The following CLOCK variants were observed in gnomAD, a reference collection of about 807,000 sequenced individuals.
CLOCK encodes circadian locomoter output cycles protein kaput.
A neutral mutation model predicts 118.4 loss-of-function variants in CLOCK; 43 were observed. The ratio of observed to expected loss-of-function variants is 0.36; its 90% confidence interval spans 0.28 to 0.47. The LOEUF (loss-of-function observed/expected upper bound fraction) is 0.47, where lower values mean the gene tolerates loss of function less well. Among genes scored for constraint, CLOCK ranks in the 20% least tolerant of loss-of-function variants. CLOCK has a pLI of 1.00. For missense variants in CLOCK, 846 were observed against 999.9 expected, an observed-to-expected ratio of 0.85 and a Z score of 2.08; for synonymous variants, 326 against 339.2, an observed-to-expected ratio of 0.96 and a Z score of 0.43.
At chr4:55,498,054 G>A (rs1418599000) in intron 2 of CLOCK, among the ~76,000 whole-genome samples, 2 of 150,674 alleles carry the variant, frequency 1.3e-5, no homozygotes, top group East Asian at 1.9e-4. Flanking sequence ...TTAGGAAATC[G>A]GATTATTAAG....
rs1156988555 is a variant in CLOCK at position 55,432,458 on chromosome 4, T to C, written c.*2957A>G. The C allele has an allele frequency of 7.0e-6, 1 of 142,914 alleles. No individual in the cohort carries two copies. Among genetic ancestry groups the C allele is most frequent in the Non-Finnish European group, 1.5e-5 (1 of 65,902 alleles). The allele number at this position is 142,914 out of a possible 1,614,324, so 8.9% of individuals were successfully genotyped here. A position where few individuals can be genotyped will look rare whatever the true frequency, so the allele number is the denominator to read the frequency against. Reference sequence around the variant, plus strand: ...ATAAGTGTTTTTAAGAAAGTGAGAATAAAGCAGAGGGAAGACTTTTTTTTT... The same window carrying C: ...ATAAGTGTTTTTAAGAAAGTGAGAACAAAGCAGAGGGAAGACTTTTTTTTT... On this transcript the variant is annotated 3_prime_UTR_variant, in exon 23 of 23. Coordinates refer to ENST00000513440, the MANE Select transcript of CLOCK (RefSeq NM_004898.4).
intron 2 of CLOCK, among the ~76,000 whole-genome samples, chr4:55,494,658 C>T (rs1727936517): frequency 6.6e-6 from 1 of 152,068 alleles, no homozygotes; most frequent in African/African-American, 2.4e-5. Flanking sequence ...CAGAAATCAC[C>T]ACTAAAGAAC....
Position 55,433,987 on chromosome 4 carries a change from C to T in CLOCK, c.*1428G>A, listed in dbSNP as rs1722689905. On this transcript the variant is annotated 3_prime_UTR_variant, in exon 23 of 23. Transcript: ENST00000513440. ...GATTTAGGAAACAATTTTAGGATCA[C>T]ATTAATAACTATGATAGTGTTAGGT... The T allele has an allele frequency of 6.6e-6, 1 of 152,476 alleles. No homozygotes were observed. The highest frequency in any genetic ancestry group is 2.1e-4 in the South Asian group (1 of 4,826). 9.4% of individuals were successfully genotyped at this position (152,476 alleles called of 1,614,324 possible).
chr4:55,538,828 A>G (rs1731069625), intron 1 of CLOCK, among the ~76,000 whole-genome samples: 1 of 152,240 alleles, frequency 6.6e-6, no homozygotes, highest in Non-Finnish European at 1.5e-5. Flanking sequence ...ATTGCCTTCA[A>G]TAAGACTGGT....
chr4:55,518,383 G>T (rs1729652658), intron 1 of CLOCK, among the ~76,000 whole-genome samples: 1 of 151,982 alleles, frequency 6.6e-6, no homozygotes, highest in South Asian at 2.1e-4. Flanking sequence ...TTTCCCACAG[G>T]GTATTAATCC....
chr4:55,486,421 T>C (rs1429256563), intron 3 of CLOCK: 1 of 152,206 alleles, frequency 6.6e-6, no homozygotes, highest in Non-Finnish European at 1.5e-5. Flanking sequence ...CTTGTGATCA[T>C]TATTCATCAT....
Position 55,479,113 on chromosome 4 carries a change from T to C in CLOCK, c.108-150A>G, listed in dbSNP as rs919874437. The stretch of plus-strand genomic sequence containing the variant: ...TCCAGGTTACCAATATACAGTTAAT[T>C]TGGGCAATAATTTTTCAGCTCAGTT... On this transcript the variant is annotated intron_variant, in intron 5 of 22. Transcript: ENST00000513440. 7 of 604,050 alleles carry C rather than the reference T, an allele frequency of 1.2e-5. 1 individual carries two copies. The highest frequency in any genetic ancestry group is 4.7e-4 in the Middle Eastern group (1 of 2,122). 37.4% of individuals were successfully genotyped at this position (604,050 alleles called of 1,614,324 possible).
chr4:55,509,377 G>A (rs1430960283), intron 2 of CLOCK, among the ~76,000 whole-genome samples: 4 of 152,136 alleles, frequency 2.6e-5, no homozygotes, highest in South Asian at 2.1e-4. Flanking sequence ...CGTGTCACAA[G>A]TTAGTCTTCG....
rs1004431157 is a variant in CLOCK at position 55,501,291 on chromosome 4, A to C, written c.-136+8621T>G. ...TTCCTTTCACTTACCAATTATTTTCAGAATAATAAATTGGTGTATATGAGG... is the reference window on the plus strand; with the variant it reads ...TTCCTTTCACTTACCAATTATTTTCCGAATAATAAATTGGTGTATATGAGG... On this transcript the variant is annotated intron_variant, in intron 2 of 22. Transcript: ENST00000513440. Among the ~76,000 whole-genome samples, 3 of 145,854 alleles carry C rather than the reference A, an allele frequency of 2.1e-5. No individual in the cohort carries two copies. In the East Asian group the frequency reaches 5.8e-4, roughly 28 times the overall value.
At chr4:55,513,073 C>T (rs545135392) in intron 1 of CLOCK, among the ~76,000 whole-genome samples, 1 of 152,054 alleles carries the variant, frequency 6.6e-6, no homozygotes, top group African/African-American at 2.4e-5. Context: ...CAGTAGTGTA[C>T]CCTAATGTCC....
intron 8 of CLOCK, among the ~76,000 whole-genome samples, chr4:55,465,147 T>C (rs773396027): frequency 2.6e-5 from 4 of 152,188 alleles, no homozygotes; most frequent in Non-Finnish European, 5.9e-5. Flanking sequence ...AAAAAACAGA[T>C]GGTTGTGTCT....
At chr4:55,535,556 C>CAAT (rs1005947864) in intron 1 of CLOCK, among the ~76,000 whole-genome samples, 12 of 151,632 alleles carry the variant, frequency 7.9e-5, no homozygotes, top group East Asian at 5.8e-4. Context: ...AAATAAATGA[C>CAAT]AATAATAATA....
chr4:55,511,202 T>C (rs1418625750), intron 1 of CLOCK, among the ~76,000 whole-genome samples: 5 of 152,106 alleles, frequency 3.3e-5, no homozygotes, highest in Admixed American at 6.6e-5. Flanking sequence ...TTACTATGTG[T>C]AAAGCCCTGT....
At chr4:55,452,799 T>G (rs1165277956) in intron 15 of CLOCK, 1 of 305,658 alleles carries the variant, frequency 3.3e-6, no homozygotes, top group African/African-American at 2.2e-5. Context: ...ATAAATAACC[T>G]AGCCAGAGAC....
rs1298857070 is a variant in CLOCK at position 55,456,002 on chromosome 4, C to A, written c.877G>T (p.Ala293Ser). The A allele has an allele frequency of 6.2e-7, 1 of 1,604,616 alleles. No homozygotes were observed. The highest frequency in any genetic ancestry group is 8.5e-7 in the Non-Finnish European group (1 of 1,172,304). ...GGCAAATACCCTATTATGGGTGGTG[C>A]CCTAAATTACACAGAAAACAATCAT... ...EWKFLFLDHRAPPIIGYLPFE... is the reference protein window; with the variant it reads ...EWKFLFLDHRSPPIIGYLPFE... The change falls in exon 13 of 23, where the codon GCA becomes TCA. Residue 293 changes from alanine to serine, a missense_variant and splice_region_variant. By Grantham distance (99) the Ala-to-Ser change is moderately conservative. This residue lies in a region of CLOCK where 14 missense variants were observed against 42.2 expected (regional missense o/e 0.33). Coordinates refer to ENST00000513440, the MANE Select transcript of CLOCK (RefSeq NM_004898.4).
intron 16 of CLOCK, 43 bp from the exon 17 acceptor site, chr4:55,449,539 T>G: frequency 6.7e-7 from 1 of 1,483,230 alleles, no homozygotes; most frequent in Non-Finnish European, 9.4e-7. Context: ...CTTTATAAAA[T>G]ATAGTTTTTA....
chr4:55,510,114 CATT>C (rs1249266403), intron 1 of CLOCK, 49 bp from the exon 2 acceptor site: 1 of 152,128 alleles, frequency 6.6e-6, no homozygotes, highest in Non-Finnish European at 1.5e-5. Flanking sequence ...ATTTAAGTAA[CATT>C]ATTATCACTA....
At position 55,458,989 on chromosome 4, in the gene CLOCK, C is replaced by T; in HGVS notation, c.695G>A (p.Gly232Asp). The change falls in exon 11 of 23, where the codon GGT (glycine) becomes GAT (aspartate). Residue 232 changes from glycine to aspartate, a missense_variant. Transcript: ENST00000513440. ...TGTGCGTTGTATAGTTCCTTCAAAA[C>T]CATTGTGTGCTGAAGAGGATACTAA... ...LNSVSSSAHN[G>D]FEGTIQRTHR... 1 of 1,613,688 alleles carries T rather than the reference C, an allele frequency of 6.2e-7. No individual in the cohort carries two copies. The highest frequency in any genetic ancestry group is 8.5e-7 in the Non-Finnish European group (1 of 1,179,692).
At chr4:55,506,747 G>A (rs1728823894) in intron 2 of CLOCK, among the ~76,000 whole-genome samples, 1 of 151,908 alleles carries the variant, frequency 6.6e-6, no homozygotes, top group African/African-American at 2.4e-5. Context: ...TTTTAGTAGA[G>A]ATGGGGTTTT....
Sources: gnomAD v4.1 joint callset for allele counts (sites outside exome capture counted in the v4.1 genomes callset) on GRCh38, gnomAD v4.1.1 for gene constraint, gnomAD v4.1.1 regional missense constraint, MANE v1.5 for transcripts, NCBI Gene and HGNC (gene_info 2026-07-23, HGNC 2026-07-21) for gene names.